Variants in SCN3A observed in about 807,000 individuals in gnomAD.
SCN3A encodes the protein sodium channel protein type 3 subunit alpha.
SCN3A carries 60 observed loss-of-function variants against 187.6 expected under a neutral mutation model. The observed-to-expected ratio is 0.32, with a 90% CI of 0.26 to 0.40. SCN3A has a LOEUF of 0.40. SCN3A is among the 10% of genes least tolerant of loss of function. The pLI, the probability that SCN3A is intolerant of heterozygous loss-of-function variation, is 1.00. For missense variants in SCN3A, 1,601 were observed against 2,428.2 expected, an observed-to-expected ratio of 0.66 and a Z score of 7.16; for synonymous variants, 788 against 829.2, an observed-to-expected ratio of 0.95 and a Z score of 0.85.
At chr2:165,166,387 G>T (rs1358636057) in intron 5 of SCN3A, among the ~76,000 whole-genome samples, 1 of 110,794 alleles carries the variant, frequency 9.0e-6, no homozygotes, top group Non-Finnish European at 1.7e-5. Flanking sequence ...CCCACACTAG[G>T]CTCATAATCA....
intron 11 of SCN3A, among the ~76,000 whole-genome samples, chr2:165,149,470 C>T (rs531069820): frequency 1.3e-4 from 20 of 152,270 alleles, no homozygotes; most frequent in Middle Eastern, 3.4e-3. Context: ...CCACCGCACC[C>T]GGCCACAAAC....
chr2:165,203,488 T>C (rs891936898), intron 1 of SCN3A, among the ~76,000 whole-genome samples: 1 of 152,066 alleles, frequency 6.6e-6, no homozygotes, highest in African/African-American at 2.4e-5. Context: ...GGCATTTAAA[T>C]AGATGACATA....
At chr2:165,178,427 G>A (rs1014446053) in intron 2 of SCN3A, among the ~76,000 whole-genome samples, 3 of 151,950 alleles carry the variant, frequency 2.0e-5, no homozygotes, top group South Asian at 2.1e-4. Context: ...GGTTTCAGTC[G>A]CCATTTTGCC....
chr2:165,200,521 G>A (rs1193522580), intron 1 of SCN3A, among the ~76,000 whole-genome samples: 1 of 151,980 alleles, frequency 6.6e-6, no homozygotes, highest in African/African-American at 2.4e-5. Flanking sequence ...TAAGAGCTGG[G>A]AGTGACCTAG....
chr2:165,157,283 G>A (rs1689118121), intron 9 of SCN3A, among the ~76,000 whole-genome samples: 1 of 152,100 alleles, frequency 6.6e-6, no homozygotes, highest in South Asian at 2.1e-4. Context: ...TAGTAGTTAT[G>A]TCTTTTTAGG....
chr2:165,127,594 A>G, intron 18 of SCN3A, 37 bp downstream of exon 18: 1 of 1,515,964 alleles, frequency 6.6e-7, no homozygotes, highest in Non-Finnish European at 9.1e-7. Flanking sequence ...CATGGTTATC[A>G]TAGGAAATGG....
chr2:165,183,317 T>A (rs1031709544), intron 2 of SCN3A, among the ~76,000 whole-genome samples: 1 of 152,206 alleles, frequency 6.6e-6, no homozygotes, highest in African/African-American at 2.4e-5. Flanking sequence ...ATTATGACCT[T>A]TTCTATTATA....
At chr2:165,152,586 C>A (rs1244561444) in intron 11 of SCN3A, among the ~76,000 whole-genome samples, 1 of 152,050 alleles carries the variant, frequency 6.6e-6, no homozygotes, top group Non-Finnish European at 1.5e-5. Flanking sequence ...GAGTATATAT[C>A]CAGTAATGGG....
Position 165,165,142 on chromosome 2 carries a change from AAT to A in SCN3A, c.474-624_474-623del, listed in dbSNP as rs1468321909. 3.3e-5 allele frequency among the ~76,000 whole-genome samples: 5 copies of A among 152,232 alleles called. No homozygotes were observed. In the East Asian group the frequency reaches 9.6e-4, roughly 29 times the overall value. On this transcript the variant is annotated intron_variant, in intron 5 of 27. Transcript: ENST00000283254. The stretch of plus-strand genomic sequence containing the variant: ...GCTAGTTTACATGTCTACCATAGAA[AAT>A]ATATTTCTTTTTTTTCAATTTTTAA...
chr2:165,134,391 A>T (rs1157485017), intron 15 of SCN3A, among the ~76,000 whole-genome samples: 2 of 152,170 alleles, frequency 1.3e-5, no homozygotes, highest in Non-Finnish European at 2.9e-5. Context: ...ATCAGCCTTT[A>T]TCTTGAAGGA....
chr2:165,140,784 C>G lies in SCN3A; in HGVS notation c.1886G>C (p.Ser629Thr). The G allele has an allele frequency of 6.2e-7, 1 of 1,614,148 alleles. No individual in the cohort carries two copies. Among genetic ancestry groups the G allele is most frequent in the Non-Finnish European group, 8.5e-7 (1 of 1,180,022 alleles). Residue 629 changes from serine (S) to threonine (T), a missense_variant, in exon 13 of 28, where the codon AGT becomes ACT. Ser to Thr is a moderately conservative substitution (Grantham distance 58). Coordinates refer to ENST00000283254, the MANE Select transcript of SCN3A (RefSeq NM_006922.4). The surrounding 1 kb of genome is among the most constrained non-coding windows in gnomAD (Gnocchi z 4.2). ...CCCTGGCACCATCCTGGATGACATA[C>G]TGGCCTGACTAACGTTACTGTTGCG... ...ERRNSNVSQASMSSRMVPGLP... is the reference protein window; with the variant it reads ...ERRNSNVSQATMSSRMVPGLP...
chr2:165,094,356 G>C lies in SCN3A; in HGVS notation c.4536+18C>G, dbSNP rs756046820. On this transcript the variant is annotated intron_variant, in intron 26 of 27. Coordinates refer to ENST00000283254, the MANE Select transcript of SCN3A (RefSeq NM_006922.4). The stretch of plus-strand genomic sequence containing the variant: ...GACGCATGGCTTTGGAACATTAAAG[G>C]AGACAAGTAATTCTTACTGCTGGGC... The C allele has an allele frequency of 1.3e-6, 2 of 1,566,954 alleles. No homozygotes were observed. The highest frequency in any genetic ancestry group is 2.7e-5 in the African/African-American group (2 of 73,896).
intron 21 of SCN3A, among the ~76,000 whole-genome samples, chr2:165,102,334 G>A (rs540251701): frequency 3.9e-5 from 6 of 152,276 alleles, no homozygotes; most frequent in East Asian, 1.9e-4. Flanking sequence ...AATAGAGTGA[G>A]ACCTTATCTC....
intron 15 of SCN3A, 122 bp downstream of exon 15, chr2:165,137,757 T>C (rs1000986473): frequency 2.5e-6 from 2 of 788,956 alleles, no homozygotes; most frequent in African/African-American, 1.7e-5. Flanking sequence ...TCCTTAGATA[T>C]TTCTTTCTAT....
rs767435226 is a variant in SCN3A at position 165,155,745 on chromosome 2, G to T, written c.1173+17C>A. The T allele has an allele frequency of 1.9e-6, 3 of 1,613,598 alleles. No homozygotes were observed. The Admixed American group carries it at 5.0e-5, about 27-fold the overall frequency. On this transcript the variant is annotated intron_variant, in intron 10 of 27. Coordinates refer to ENST00000283254, the MANE Select transcript of SCN3A (RefSeq NM_006922.4). ...GTCTATAAAAATAAATGTTATGCATGCTCATTTGGACCTTACCAACTGGTA... is the reference window on the plus strand; with the variant it reads ...GTCTATAAAAATAAATGTTATGCATTCTCATTTGGACCTTACCAACTGGTA...
intron 1 of SCN3A, among the ~76,000 whole-genome samples, chr2:165,201,070 T>C (rs1007482086): frequency 1.3e-5 from 2 of 152,114 alleles, no homozygotes; most frequent in Admixed American, 6.6e-5. Flanking sequence ...CCTTTGTGAA[T>C]CTTTACAGAA....
intron 3 of SCN3A, among the ~76,000 whole-genome samples, chr2:165,175,885 T>C (rs376795453): frequency 2.0e-5 from 3 of 152,204 alleles, no homozygotes; most frequent in Non-Finnish European, 4.4e-5. Flanking sequence ...TTTGACTATC[T>C]GAATTATCAC....
At chr2:165,098,817 T>C (rs189981124) in intron 22 of SCN3A, among the ~76,000 whole-genome samples, 64 of 152,300 alleles carry the variant, frequency 4.2e-4, no homozygotes, top group African/African-American at 1.5e-3. Flanking sequence ...ACTTTGAATA[T>C]TTTTCAGATT....
intron 18 of SCN3A, 79 bp from the exon 19 acceptor site, chr2:165,115,654 GAA>G: frequency 7.5e-7 from 1 of 1,328,156 alleles, no homozygotes; most frequent in Non-Finnish European, 1.1e-6. Context: ...GTCATTGTGT[GAA>G]AAAAAAATAG....
Sources: gnomAD v4.1 joint callset for allele counts (sites outside exome capture counted in the v4.1 genomes callset) on GRCh38, gnomAD v4.1.1 for gene constraint, Gnocchi (gnomAD v3.1) non-coding constraint, MANE v1.5 for transcripts, NCBI Gene and HGNC (gene_info 2026-07-23, HGNC 2026-07-21) for gene names.